The following GSR variants were observed in gnomAD, a reference collection of about 807,000 sequenced individuals.
GSR encodes the protein glutathione-disulfide reductase.
GSR carries 48 observed loss-of-function variants against 56.5 expected under a neutral mutation model. The ratio of observed to expected loss-of-function variants is 0.85; its 90% confidence interval spans 0.67 to 1.08. The LOEUF is 1.08. Among genes scored for constraint, GSR ranks in the 50% least tolerant of loss-of-function variants. The pLI, the probability that GSR is intolerant of heterozygous loss-of-function variation, is 0.00. For missense variants in GSR, 694 were observed against 703.3 expected, an observed-to-expected ratio of 0.99 and a Z score of 0.15; for synonymous variants, 264 against 270.8, an observed-to-expected ratio of 0.97 and a Z score of 0.25.
At chr8:30,690,888 G>A (rs1803355304) in intron 8 of GSR, among the ~76,000 whole-genome samples, 1 of 151,952 alleles carries the variant, frequency 6.6e-6, no homozygotes, top group South Asian at 2.1e-4. Flanking sequence ...AACATAGTGA[G>A]ACTCCATGTC....
intron 8 of GSR, among the ~76,000 whole-genome samples, chr8:30,690,777 A>AT (rs1297068015): frequency 6.6e-6 from 1 of 152,202 alleles, no homozygotes; most frequent in Admixed American, 6.5e-5. Context: ...TTAAAATTAG[A>AT]TTCTAGGCTG....
In GSR at chr8:30,678,646, G is replaced by C. The variant is rs1252380734; in HGVS notation, c.*874C>G. 2.0e-5 allele frequency: 3 copies of C among 151,810 alleles called. No homozygotes were observed. The highest frequency in any genetic ancestry group is 1.3e-4 in the Admixed American group (2 of 15,182). 9.4% of individuals were successfully genotyped at this position (151,810 alleles called of 1,614,324 possible). A position where few individuals can be genotyped will look rare whatever the true frequency, so the allele number is the denominator to read the frequency against. ...CAAAGTGCTAGAATTACAGGCCTGA[G>C]CCACCGTGCCTTGCCACAAACTATT... On this transcript the variant is annotated 3_prime_UTR_variant, in exon 13 of 13. Transcript: ENST00000221130.
At chr8:30,688,785 C>T (rs1266046663) in intron 9 of GSR, among the ~76,000 whole-genome samples, 1 of 151,304 alleles carries the variant, frequency 6.6e-6, no homozygotes, top group Non-Finnish European at 1.5e-5. Flanking sequence ...ATTAGCTGGG[C>T]ATTGTGGCAC....
At chr8:30,694,842 T>C (rs1803493237) in intron 7 of GSR, among the ~76,000 whole-genome samples, 1 of 141,494 alleles carries the variant, frequency 7.1e-6, no homozygotes, top group Non-Finnish European at 1.5e-5. Context: ...GAGGCTGCAA[T>C]GAGCCATGAT....
chr8:30,699,140 AG>A (rs1803644339), intron 6 of GSR, among the ~76,000 whole-genome samples: 1 of 152,096 alleles, frequency 6.6e-6, no homozygotes, highest in Non-Finnish European at 1.5e-5. Flanking sequence ...TAAATTAAAA[AG>A]TTAACCAGGT....
chr8:30,707,753 G>A (rs1190083542), intron 4 of GSR, among the ~76,000 whole-genome samples: 5 of 152,022 alleles, frequency 3.3e-5, no homozygotes, highest in East Asian at 3.9e-4. Flanking sequence ...TCAGGAGTTC[G>A]AGACCAGCCT....
At chr8:30,701,478 A>G (rs1337082956) in intron 5 of GSR, among the ~76,000 whole-genome samples, 3 of 146,876 alleles carry the variant, frequency 2.0e-5, no homozygotes, top group Non-Finnish European at 4.5e-5. Context: ...GAACAAACAA[A>G]CAAACAAAAA....
rs1802931516 is a variant in GSR, at chr8:30,680,936, T to A, written c.1387A>T (p.Met463Leu). 1 of 1,613,894 alleles carries A rather than the reference T, an allele frequency of 6.2e-7. No homozygotes were observed. The highest frequency in any genetic ancestry group is 8.5e-7 in the Non-Finnish European group (1 of 1,179,876). The change falls in exon 12 of 13, where the codon ATG becomes TTG. Residue 463 changes from methionine to leucine, a missense_variant. By Grantham distance (15) the Met-to-Leu change is conservative. Transcript: ENST00000221130. The part of the protein sequence containing the change: ...AVTKRKTKCV[M>L]KMVCANKEEK... ...TCCTTGTTAGCACAGACCATTTTCA[T>A]CACACATTTTGTTTTCCTTTTGGTA... is the stretch of plus-strand genomic sequence containing the variant.
chr8:30,688,578 C>CAAAAA (rs57690198), intron 9 of GSR, among the ~76,000 whole-genome samples: 7 of 81,540 alleles, frequency 8.6e-5, no homozygotes, highest in Admixed American at 3.2e-4. Context: ...GACCCTGTCT[C>CAAAAA]AAAAAAAAAA....
chr8:30,710,043 C>A, intron 2 of GSR, 141 bp from the exon 3 acceptor site: 3 of 650,082 alleles, frequency 4.6e-6, no homozygotes, highest in South Asian at 1.8e-5. Context: ...TAGCTGGGCA[C>A]GGCAGCTCAC....
At chr8:30,721,174 C>T (rs1804524490) in intron 1 of GSR, among the ~76,000 whole-genome samples, 1 of 152,118 alleles carries the variant, frequency 6.6e-6, no homozygotes. Context: ...TGTGAGACAA[C>T]TCTTCTGGAT....
intron 1 of GSR, among the ~76,000 whole-genome samples, chr8:30,722,563 T>C (rs1804578403): frequency 1.3e-5 from 2 of 151,258 alleles, no homozygotes; most frequent in South Asian, 4.2e-4. Flanking sequence ...TTGTCTCTAC[T>C]AAAAATTTAA....
rs35555269 is a variant in GSR, at chr8:30,679,149, C to CAA, written c.*369_*370dup. 6.8e-3 allele frequency: 742 copies of CAA among 108,692 alleles called. 4 individuals are homozygous for CAA. The highest frequency in any genetic ancestry group is 0.014 in the South Asian group (108 of 7,818). 6.7% of individuals were successfully genotyped at this position (108,692 alleles called of 1,614,324 possible). A position where few individuals can be genotyped will look rare whatever the true frequency, so the allele number is the denominator to read the frequency against. On this transcript the variant is annotated 3_prime_UTR_variant, in exon 13 of 13. Coordinates refer to ENST00000221130, the MANE Select transcript of GSR (RefSeq NM_000637.5). ...GGGCAATGAGAGCAAAACTCTGTCTCAAAAAAAAAAAAAAAAAAAGTAGCA... is the reference window on the plus strand; with the variant it reads ...GGGCAATGAGAGCAAAACTCTGTCTCAAAAAAAAAAAAAAAAAAAAAGTAGCA...
intron 7 of GSR, among the ~76,000 whole-genome samples, chr8:30,693,718 G>A (rs1006448187): frequency 9.9e-5 from 15 of 152,066 alleles, no homozygotes; most frequent in African/African-American, 2.9e-4. Context: ...TAGTAGAGAC[G>A]GGGTTTCGCC....
At chr8:30,718,016 G>A (rs1415670012) in intron 1 of GSR, among the ~76,000 whole-genome samples, 8 of 151,844 alleles carry the variant, frequency 5.3e-5, no homozygotes, top group African/African-American at 1.7e-4. Context: ...CAGGAGAATC[G>A]CTTGAACCCA....
chr8:30,714,301 C>T (rs1265527955), intron 1 of GSR, among the ~76,000 whole-genome samples: 3 of 150,008 alleles, frequency 2.0e-5, no homozygotes, highest in African/African-American at 7.4e-5. Flanking sequence ...AACCTCCGCT[C>T]CCCGGGATCA....
rs189616673 is a variant in GSR at position 30,720,161 on chromosome 8, C to A, written c.306+7369G>T. 2.0e-5 allele frequency among the ~76,000 whole-genome samples: 3 copies of A among 152,238 alleles called. No homozygotes were observed. In the East Asian group the frequency reaches 5.8e-4, roughly 29 times the overall value. On this transcript the variant is annotated intron_variant, in intron 1 of 12. Coordinates refer to ENST00000221130, the MANE Select transcript of GSR (RefSeq NM_000637.5). ...CCCAGGAGTTTGAGGCTGCCATGAG[C>A]TATATTGCACCACTGCACTCCAGCC...
intron 5 of GSR, among the ~76,000 whole-genome samples, chr8:30,701,143 GC>G (rs1237085582): frequency 5.3e-5 from 8 of 152,076 alleles, no homozygotes; most frequent in Non-Finnish European, 7.4e-5. Context: ...TCTCTCTGTA[GC>G]CCCCCTACCC....
rs768087560 is a variant in GSR at position 30,696,404 on chromosome 8, T to A, written c.771A>T (p.Thr257=). Residue 257 remains threonine (T), a synonymous_variant, in exon 7 of 13, where the codon ACA becomes ACT. Coordinates refer to ENST00000221130, the MANE Select transcript of GSR (RefSeq NM_000637.5). ...AGILSALGSK[T]SLMIRHDKVL... ...CCTTATCATGCCGTATCATCAGTGATGTCTTAGAACCCAGGGCTGACAGGA... is the reference window on the plus strand; with the variant it reads ...CCTTATCATGCCGTATCATCAGTGAAGTCTTAGAACCCAGGGCTGACAGGA... The A allele has an allele frequency of 6.2e-7, 1 of 1,607,544 alleles. No homozygotes were observed. The highest frequency in any genetic ancestry group is 2.2e-5 in the East Asian group (1 of 44,860).
Sources: gnomAD v4.1 joint callset for allele counts (sites outside exome capture counted in the v4.1 genomes callset) on GRCh38, gnomAD v4.1.1 for gene constraint, MANE v1.5 for transcripts, NCBI Gene and HGNC (gene_info 2026-07-23, HGNC 2026-07-21) for gene names.